ANKS1B: variants seen among roughly 807,000 people sequenced by gnomAD.
The protein encoded by ANKS1B is ankyrin repeat and sterile alpha motif domain containing 1B, also known as ankyrin repeat and sterile alpha motif domain-containing protein 1B.
In ANKS1B, 36 loss-of-function variants were observed where a neutral mutation model predicts 148.3. The observed-to-expected ratio is 0.24, with a 90% CI of 0.19 to 0.32. The LOEUF (loss-of-function observed/expected upper bound fraction) is 0.32, where lower values mean the gene tolerates loss of function less well. Ranked by LOEUF, ANKS1B falls within the 10% of genes least tolerant of loss-of-function variation. The pLI is 1.00. For synonymous variants in ANKS1B, 542 were observed against 560.8 expected (o/e 0.97, Z 0.47); for missense variants, 1,157 against 1,542.6 (o/e 0.75, Z 4.19).
chr12:99,669,435 CTT>C (rs968304898), intron 8 of ANKS1B, among the ~76,000 whole-genome samples: 1 of 146,888 alleles, frequency 6.8e-6, no homozygotes, highest in African/African-American at 2.5e-5. Context: ...CTTGCTTTTA[CTT>C]TTTTTTTTTA....
chr12:99,597,168 G>A (rs1363331214), intron 9 of ANKS1B, among the ~76,000 whole-genome samples: 2 of 151,650 alleles, frequency 1.3e-5, no homozygotes, highest in African/African-American at 4.8e-5. Context: ...AATGACTAGT[G>A]ATGTGCCAGG....
At chr12:99,253,263 A>T (rs954556294) in intron 12 of ANKS1B, among the ~76,000 whole-genome samples, 2 of 151,798 alleles carry the variant, frequency 1.3e-5, no homozygotes, top group Non-Finnish European at 2.9e-5. Context: ...CATCAGGCAG[A>T]TGTCCAGTAG....
intron 9 of ANKS1B, among the ~76,000 whole-genome samples, chr12:99,617,495 A>G (rs150923365): frequency 0.012 from 1,583 of 136,260 alleles, 34 homozygotes; most frequent in African/African-American, 0.041. Context: ...AGGGACATGG[A>G]TGAAGCTGGA....
intron 17 of ANKS1B, among the ~76,000 whole-genome samples, chr12:98,972,666 G>T (rs952680864): frequency 3.3e-5 from 5 of 152,156 alleles, no homozygotes; most frequent in Admixed American, 3.3e-4. Context: ...CATTCCAGCT[G>T]CCAGAAGGAT....
At chr12:99,181,399 T>C (rs928470352) in intron 14 of ANKS1B, among the ~76,000 whole-genome samples, 1 of 152,212 alleles carries the variant, frequency 6.6e-6, no homozygotes, top group Non-Finnish European at 1.5e-5. Context: ...AGCTTTCATT[T>C]GGACAATGAT....
At chr12:99,617,017 T>C (rs2097973390) in intron 9 of ANKS1B, among the ~76,000 whole-genome samples, 1 of 152,214 alleles carries the variant, frequency 6.6e-6, no homozygotes, top group African/African-American at 2.4e-5. Flanking sequence ...AAGACATTTA[T>C]GTGGCCAAAA....
intron 1 of ANKS1B, among the ~76,000 whole-genome samples, chr12:99,907,748 G>A (rs2093837793): frequency 7.1e-6 from 1 of 141,402 alleles, no homozygotes; most frequent in Non-Finnish European, 1.5e-5. Flanking sequence ...GGCAGGTAAA[G>A]CATTCCTTTT....
At chr12:98,912,151 T>C (rs1159807168) in intron 17 of ANKS1B, among the ~76,000 whole-genome samples, 1 of 152,216 alleles carries the variant, frequency 6.6e-6, no homozygotes, top group East Asian at 1.9e-4. Context: ...TTATAGTCTC[T>C]ACTTTAGATA....
At chr12:99,785,026 A>G (rs2064850961) in intron 4 of ANKS1B, among the ~76,000 whole-genome samples, 1 of 152,150 alleles carries the variant, frequency 6.6e-6, no homozygotes, top group African/African-American at 2.4e-5. Flanking sequence ...CTTTGAAAAT[A>G]TAGATGTTTA....
At chr12:99,624,432 C>A (rs897245034) in intron 9 of ANKS1B, among the ~76,000 whole-genome samples, 7 of 151,964 alleles carry the variant, frequency 4.6e-5, no homozygotes, top group African/African-American at 1.7e-4. Flanking sequence ...TTCTGCAGGG[C>A]AAAAGAAAAC....
intron 9 of ANKS1B, among the ~76,000 whole-genome samples, chr12:99,559,384 T>G (rs1021841858): frequency 6.6e-6 from 1 of 152,244 alleles, no homozygotes; most frequent in Non-Finnish European, 1.5e-5. Flanking sequence ...TTATGTCAAA[T>G]ACTTGTTCTA....
chr12:99,030,957 T>G (rs1568449877), intron 17 of ANKS1B, among the ~76,000 whole-genome samples: 1 of 152,208 alleles, frequency 6.6e-6, no homozygotes, highest in African/African-American at 2.4e-5. Context: ...CCCATCTGTC[T>G]CTGCAAGAAG....
At chr12:99,355,230 T>C (rs897953189) in intron 12 of ANKS1B, among the ~76,000 whole-genome samples, 1 of 152,060 alleles carries the variant, frequency 6.6e-6, no homozygotes, top group African/African-American at 2.4e-5. Context: ...CTAACTCCCA[T>C]TTAATAAGGT....
At chr12:99,795,957 T>C (rs2066198824) in intron 4 of ANKS1B, among the ~76,000 whole-genome samples, 1 of 152,162 alleles carries the variant, frequency 6.6e-6, no homozygotes, top group Non-Finnish European at 1.5e-5. Context: ...CCATAGATCT[T>C]AGCAACCTCT....
chr12:99,872,431 CA>C (rs1004572049), intron 1 of ANKS1B, among the ~76,000 whole-genome samples: 2 of 151,862 alleles, frequency 1.3e-5, no homozygotes, highest in African/African-American at 4.8e-5. Context: ...TTTTTTTAAT[CA>C]GGGGAAAAAT....
At chr12:99,223,604 C>T (rs1017502238) in intron 14 of ANKS1B, among the ~76,000 whole-genome samples, 1 of 152,166 alleles carries the variant, frequency 6.6e-6, no homozygotes, top group African/African-American at 2.4e-5. Context: ...GGATGCAGAT[C>T]TCCGGTGGTA....
At chr12:99,026,928 C>T (rs758909489) in intron 17 of ANKS1B, among the ~76,000 whole-genome samples, 1 of 152,188 alleles carries the variant, frequency 6.6e-6, no homozygotes, top group African/African-American at 2.4e-5. Flanking sequence ...TTGTATAAAT[C>T]TATCAGGCCT....
At chr12:99,049,964 C>T (rs984753186) in intron 17 of ANKS1B, among the ~76,000 whole-genome samples, 7 of 152,186 alleles carry the variant, frequency 4.6e-5, no homozygotes, top group Non-Finnish European at 7.4e-5. Context: ...TTTCACTTAA[C>T]ATAGAACAAC....
Position 99,399,746 on chromosome 12 carries a change from A to G in ANKS1B, c.1641T>C (p.Tyr547=). 1.9e-6 allele frequency: 3 copies of G among 1,613,512 alleles called. No individual in the cohort carries two copies. Among genetic ancestry groups the G allele is most frequent in the Non-Finnish European group, 2.5e-6 (3 of 1,179,550 alleles). Residue 547 remains tyrosine (Y), a synonymous_variant, in exon 12 of 27, where the codon TAT becomes TAC. Transcript: ENST00000683438. The part of the protein sequence containing the change: ...DFHRMNHNQE[Y]FEINTSTGCT... ...ACCCTGTAGATGTGTTGATTTCAAA[A>G]TATTCTTGGTTGTGATTCATTCGGT...
Sources: gnomAD v4.1 joint callset for allele counts (sites outside exome capture counted in the v4.1 genomes callset) on GRCh38, gnomAD v4.1.1 for gene constraint, MANE v1.5 for transcripts, NCBI Gene and HGNC (gene_info 2026-07-23, HGNC 2026-07-21) for gene names.